Variants in EXOC4 observed in about 807,000 individuals in gnomAD.
EXOC4 encodes the protein SEC8-like 1.
Under a neutral mutation model 107.2 loss-of-function variants are expected in EXOC4, and 71 were observed. The observed-to-expected ratio is 0.66, with a 90% CI of 0.55 to 0.81. EXOC4 has a LOEUF of 0.81. EXOC4 is among the 30% of genes least tolerant of loss of function. The pLI, the probability that EXOC4 is intolerant of heterozygous loss-of-function variation, is 0.00. For missense variants in EXOC4, 1,108 were observed against 1,189.6 expected (o/e 0.93, Z 1.01); for synonymous variants, 456 against 441.2 (o/e 1.03, Z -0.42).
At chr7:133,923,543 G>A (rs1040200559) in intron 13 of EXOC4, among the ~76,000 whole-genome samples, 1 of 152,000 alleles carries the variant, frequency 6.6e-6, no homozygotes, top group Non-Finnish European at 1.5e-5. Context: ...CGTATTTATT[G>A]GCCATTTGAA....
chr7:133,382,125 T>G (rs927944281), intron 7 of EXOC4, among the ~76,000 whole-genome samples: 1 of 152,104 alleles, frequency 6.6e-6, no homozygotes, highest in African/African-American at 2.4e-5. Flanking sequence ...GGGTAGAGAC[T>G]AAGACAGGCA....
At position 133,885,698 on chromosome 7, in the gene EXOC4, A is replaced by G. The variant is rs144671849; in HGVS notation, c.1735-9901A>G. Among the ~76,000 whole-genome samples the G allele has an allele frequency of 3.9e-5, 6 of 152,286 alleles. No individual in the cohort carries two copies. In the South Asian group the frequency reaches 8.3e-4, roughly 21 times the overall value. On this transcript the variant is annotated intron_variant, in intron 11 of 17. Transcript: ENST00000253861. Reference sequence around the variant, plus strand: ...AGCTGATTCTTCAAAGATGAGAGTCATGAGCTAGGAATAGTATTCCAGACA... The same window carrying G: ...AGCTGATTCTTCAAAGATGAGAGTCGTGAGCTAGGAATAGTATTCCAGACA...
At chr7:133,768,084 G>A (rs2151159451) in intron 10 of EXOC4, 1 of 152,034 alleles carries the variant, frequency 6.6e-6, no homozygotes, top group African/African-American at 2.4e-5. Context: ...GAGCGGAAAT[G>A]AATCCTCGTG....
chr7:133,292,310 A>G (rs1385238803), intron 3 of EXOC4, among the ~76,000 whole-genome samples: 1 of 152,180 alleles, frequency 6.6e-6, no homozygotes, highest in Admixed American at 6.5e-5. Flanking sequence ...TATCTTTGCA[A>G]TGTTGTGTTC....
chr7:133,579,615 A>G (rs989749622), intron 9 of EXOC4, among the ~76,000 whole-genome samples: 3 of 152,026 alleles, frequency 2.0e-5, no homozygotes, highest in African/African-American at 4.8e-5. Flanking sequence ...AACTGAAGCC[A>G]TATCCATTAA....
chr7:133,281,704 ATT>A (rs1029951425), intron 2 of EXOC4, among the ~76,000 whole-genome samples: 8 of 125,962 alleles, frequency 6.4e-5, no homozygotes, highest in Non-Finnish European at 6.9e-5. Flanking sequence ...TTTCTTTTCT[ATT>A]TTTTTTTTTT....
chr7:133,454,576 C>T (rs978826917), intron 7 of EXOC4, among the ~76,000 whole-genome samples: 2 of 152,178 alleles, frequency 1.3e-5, no homozygotes, highest in African/African-American at 2.4e-5. Flanking sequence ...GGATTATAGG[C>T]GTGAGCCACC....
chr7:133,659,309 G>A (rs894664110), intron 10 of EXOC4, among the ~76,000 whole-genome samples: 1 of 152,012 alleles, frequency 6.6e-6, no homozygotes, highest in Non-Finnish European at 1.5e-5. Context: ...TTAAGTATCC[G>A]ATAAGTGGTA....
chr7:133,530,569 T>G (rs1328057290), intron 9 of EXOC4, among the ~76,000 whole-genome samples: 1 of 152,230 alleles, frequency 6.6e-6, no homozygotes, highest in African/African-American at 2.4e-5. Context: ...ATGTACAGTG[T>G]GATGTTGATG....
chr7:134,030,218 C>A (rs1182000854), intron 17 of EXOC4, among the ~76,000 whole-genome samples: 1 of 152,274 alleles, frequency 6.6e-6, no homozygotes, highest in East Asian at 1.9e-4. Context: ...AAGATGCCCT[C>A]CTAGGTATAT....
rs552172923 is a variant in EXOC4 at position 133,359,826 on chromosome 7, T to C, written c.1007+3253T>C. Among the ~76,000 whole-genome samples the C allele has an allele frequency of 7.5e-4, 114 of 152,324 alleles. 1 individual carries two copies. The highest frequency in any genetic ancestry group is 2.5e-3 in the African/African-American group (105 of 41,586). On this transcript the variant is annotated intron_variant, in intron 6 of 17. Coordinates refer to ENST00000253861, the MANE Select transcript of EXOC4 (RefSeq NM_021807.4). ...AGCCAGGATACTTTCCCAGCCAGTT[T>C]TTTAAAAAATCACTTTGGTGACCTA...
intron 9 of EXOC4, among the ~76,000 whole-genome samples, chr7:133,487,568 G>A (rs1024156807): frequency 6.6e-6 from 1 of 152,074 alleles, no homozygotes; most frequent in African/African-American, 2.4e-5. Context: ...AATCAGCTGG[G>A]TGTGGTGGTA....
chr7:133,459,185 GTC>G (rs1360620381), intron 7 of EXOC4, among the ~76,000 whole-genome samples: 1 of 152,132 alleles, frequency 6.6e-6, no homozygotes, highest in African/African-American at 2.4e-5. Flanking sequence ...ATAGCATGCT[GTC>G]TTTTTTCTTT....
intron 5 of EXOC4, among the ~76,000 whole-genome samples, chr7:133,329,268 T>C (rs550803554): frequency 6.6e-6 from 1 of 152,232 alleles, no homozygotes; most frequent in East Asian, 1.9e-4. Context: ...TTCAGCTCCA[T>C]CAGGTCATTT....
downstream of EXOC4, among the ~76,000 whole-genome samples, chr7:134,068,709 C>G (rs74348894): frequency 0.024 from 3,671 of 152,252 alleles, 131 homozygotes; most frequent in African/African-American, 0.077. Context: ...AGAAGCCCCA[C>G]CCTCTCTCCA....
chr7:133,641,501 G>A (rs539380895), intron 10 of EXOC4, among the ~76,000 whole-genome samples: 1 of 152,102 alleles, frequency 6.6e-6, no homozygotes, highest in African/African-American at 2.4e-5. Context: ...CTTCACTTTA[G>A]CTAGTTGATT....
intron 10 of EXOC4, among the ~76,000 whole-genome samples, chr7:133,644,648 CA>C (rs1324953669): frequency 1.3e-5 from 2 of 152,070 alleles, no homozygotes; most frequent in African/African-American, 4.8e-5. Flanking sequence ...GTATTAGAGA[CA>C]AAACTTAAAA....
chr7:133,268,519 T>TC (rs1293486670), intron 1 of EXOC4, among the ~76,000 whole-genome samples: 1 of 152,206 alleles, frequency 6.6e-6, no homozygotes, highest in Non-Finnish European at 1.5e-5. Context: ...CTGTCCGGAC[T>TC]CCATTACTCT....
intron 11 of EXOC4, among the ~76,000 whole-genome samples, chr7:133,878,726 T>G (rs954708392): frequency 6.6e-6 from 1 of 152,094 alleles, no homozygotes. Context: ...TTTTTTATGT[T>G]TGTTTGTTTG....
Sources: allele counts gnomAD v4.1 joint callset (sites outside exome capture counted in the v4.1 genomes callset), GRCh38; gene constraint gnomAD v4.1.1; transcripts MANE v1.5; gene names NCBI Gene and HGNC (gene_info 2026-07-23, HGNC 2026-07-21).